ADCY2: variants seen among roughly 807,000 people sequenced by gnomAD.
ADCY2 encodes the protein adenylate cyclase 2.
A neutral mutation model predicts 125.2 loss-of-function variants in ADCY2; 31 were observed. The ratio of observed to expected loss-of-function variants is 0.25; its 90% CI spans 0.19 to 0.33. The LOEUF is 0.33. ADCY2 is among the 10% of genes least tolerant of loss of function. The probability of loss-of-function intolerance (pLI) is 1.00; values close to 1 mark genes in which losing one functional copy is unlikely to be tolerated. For missense variants in ADCY2, 904 were observed against 1,418.2 expected, an observed-to-expected ratio of 0.64 and a Z score of 5.82; for synonymous variants, 512 against 548.4, an observed-to-expected ratio of 0.93 and a Z score of 0.93.
chr5:7,454,927 C>A (rs1047847608), intron 2 of ADCY2, among the ~76,000 whole-genome samples: 4 of 151,950 alleles, frequency 2.6e-5, no homozygotes, highest in African/African-American at 4.8e-5. Context: ...TGTGATAAAT[C>A]CCCCTCATGC....
intron 3 of ADCY2, among the ~76,000 whole-genome samples, chr5:7,575,804 T>TA (rs1333462012): frequency 6.6e-5 from 10 of 151,874 alleles, no homozygotes; most frequent in East Asian, 5.8e-4. Context: ...ACACCAATGC[T>TA]AAAAAAAACC....
chr5:7,548,654 G>GT (rs1167078935), intron 3 of ADCY2, among the ~76,000 whole-genome samples: 2 of 152,024 alleles, frequency 1.3e-5, no homozygotes, highest in East Asian at 1.9e-4. Context: ...AACTTTAATG[G>GT]TTTTTTTCTT....
chr5:7,554,029 A>G lies in ADCY2; in HGVS notation c.570+33130A>G, dbSNP rs372025140. On this transcript the variant is annotated intron_variant, in intron 3 of 24. Transcript: ENST00000338316. ...GAAACATGGAAGGCTTAGAAGTTATACAAGTGAAAATCAGCCATTCAAGCA... is the reference window on the plus strand; with the variant it reads ...GAAACATGGAAGGCTTAGAAGTTATGCAAGTGAAAATCAGCCATTCAAGCA... 1.4e-4 allele frequency among the ~76,000 whole-genome samples: 22 copies of G among 152,218 alleles called. 1 individual carries two copies. The highest frequency in any genetic ancestry group is 2.6e-4 in the Admixed American group (4 of 15,288).
chr5:7,587,337 A>G (rs888957587), intron 3 of ADCY2, among the ~76,000 whole-genome samples: 3 of 152,200 alleles, frequency 2.0e-5, no homozygotes, highest in Admixed American at 2.0e-4. Flanking sequence ...AAGCAGTGTC[A>G]TGAGTTTGAT....
At chr5:7,412,824 TC>T (rs1479800021) in intron 1 of ADCY2, among the ~76,000 whole-genome samples, 1 of 152,168 alleles carries the variant, frequency 6.6e-6, no homozygotes, top group African/African-American at 2.4e-5. Context: ...TCTCTGTGCC[TC>T]AGTTTCGTCA....
At chr5:7,679,804 A>T (rs925386345) in intron 4 of ADCY2, among the ~76,000 whole-genome samples, 16 of 152,186 alleles carry the variant, frequency 1.1e-4, no homozygotes, top group African/African-American at 2.4e-5. Flanking sequence ...TGTGACAGAG[A>T]CCAATGGATT....
At position 7,789,233 on chromosome 5, in the gene ADCY2, C is replaced by T. The variant is rs575891866; in HGVS notation, c.2470-409C>T. 8.5e-5 allele frequency among the ~76,000 whole-genome samples: 13 copies of T among 152,322 alleles called. No homozygotes were observed. In the South Asian group the frequency reaches 1.7e-3, roughly 19 times the overall value. ...AATGCTAAAGGCAAACTGCCATAAACGAACAATACAGTTTTTATTCAAATC... is the reference window on the plus strand; with the variant it reads ...AATGCTAAAGGCAAACTGCCATAAATGAACAATACAGTTTTTATTCAAATC... On this transcript the variant is annotated intron_variant, in intron 19 of 24. Transcript: ENST00000338316.
intron 2 of ADCY2, among the ~76,000 whole-genome samples, chr5:7,511,490 G>T (rs1437955303): frequency 6.6e-6 from 1 of 152,020 alleles, no homozygotes; most frequent in Non-Finnish European, 1.5e-5. Context: ...CAGGAGAATT[G>T]TTTGAACCTG....
rs1419886076 is a variant in ADCY2, at chr5:7,396,187, T to A, written c.-110T>A. 1 of 480,482 alleles carries A rather than the reference T, an allele frequency of 2.1e-6. No individual in the cohort carries two copies. Among genetic ancestry groups the A allele is most frequent in the Non-Finnish European group, 2.6e-6 (1 of 377,776 alleles). 29.8% of individuals were successfully genotyped at this position (480,482 alleles called of 1,614,324 possible). Reference sequence around the variant, plus strand: ...GGAGGCCCCTGCGCGCAGCTCCGGGTGCCGGCAGCCGGGCCGGCCGAGGCG... The same window carrying A: ...GGAGGCCCCTGCGCGCAGCTCCGGGAGCCGGCAGCCGGGCCGGCCGAGGCG... On this transcript the variant is annotated 5_prime_UTR_variant, in exon 1 of 25. Transcript: ENST00000338316. This position sits in a 1 kb window ranked among gnomAD's most constrained non-coding sequence, Gnocchi z 5.7.
intron 2 of ADCY2, among the ~76,000 whole-genome samples, chr5:7,470,904 A>G (rs945218569): frequency 2.0e-5 from 3 of 151,780 alleles, no homozygotes; most frequent in African/African-American, 7.2e-5. Flanking sequence ...AGTTTATTTG[A>G]AGATGATCGA....
At chr5:7,532,582 G>A (rs900040441) in intron 3 of ADCY2, among the ~76,000 whole-genome samples, 1 of 152,098 alleles carries the variant, frequency 6.6e-6, no homozygotes, top group Non-Finnish European at 1.5e-5. Flanking sequence ...CCTAGCTTTT[G>A]GGTTAGGTTA....
At chr5:7,604,311 T>C (rs1434636203) in intron 3 of ADCY2, among the ~76,000 whole-genome samples, 1 of 9,962 alleles carries the variant, frequency 1.0e-4, no homozygotes, top group African/African-American at 5.0e-4. Flanking sequence ...GCATGATTTA[T>C]ACTCATTTGG....
chr5:7,479,306 G>A (rs1029803139), intron 2 of ADCY2, among the ~76,000 whole-genome samples: 12 of 152,042 alleles, frequency 7.9e-5, no homozygotes, highest in Non-Finnish European at 1.6e-4. Context: ...TCAGGTGCTG[G>A]GATCATAACG....
At chr5:7,431,210 G>A (rs956500556) in intron 2 of ADCY2, among the ~76,000 whole-genome samples, 1 of 152,168 alleles carries the variant, frequency 6.6e-6, no homozygotes, top group African/African-American at 2.4e-5. Flanking sequence ...AGGCCAATGG[G>A]ATACACTAGA....
intron 3 of ADCY2, among the ~76,000 whole-genome samples, chr5:7,594,024 C>T (rs1265647241): frequency 6.6e-6 from 1 of 152,108 alleles, no homozygotes; most frequent in Non-Finnish European, 1.5e-5. Context: ...GAGAGGTGGA[C>T]GTGGGTGGAC....
intron 2 of ADCY2, among the ~76,000 whole-genome samples, chr5:7,495,093 C>A (rs954785979): frequency 6.6e-6 from 1 of 152,168 alleles, no homozygotes; most frequent in Non-Finnish European, 1.5e-5. Context: ...AAAACTCAGG[C>A]AAACCCATAT....
chr5:7,815,644 T>C (rs79906976), intron 22 of ADCY2, among the ~76,000 whole-genome samples: 6,767 of 152,142 alleles, frequency 0.044, 515 homozygotes, highest in African/African-American at 0.15. Flanking sequence ...TATAAACAGG[T>C]AACAGGAATG....
intron 15 of ADCY2, among the ~76,000 whole-genome samples, chr5:7,750,697 T>C (rs1742783150): frequency 2.0e-5 from 3 of 152,098 alleles, no homozygotes; most frequent in African/African-American, 7.2e-5. Context: ...TCCTGGCCTC[T>C]GTGGGAATGA....
At chr5:7,408,378 T>C (rs1414849886) in intron 1 of ADCY2, among the ~76,000 whole-genome samples, 1 of 152,066 alleles carries the variant, frequency 6.6e-6, no homozygotes, top group African/African-American at 2.4e-5. Context: ...ATTATTATTA[T>C]TGTTATTTTG....
Sources: allele counts gnomAD v4.1 joint callset (sites outside exome capture counted in the v4.1 genomes callset), GRCh38; gene constraint gnomAD v4.1.1; non-coding constraint Gnocchi (gnomAD v3.1); transcripts MANE v1.5; gene names NCBI Gene and HGNC (gene_info 2026-07-23, HGNC 2026-07-21).